Variants in ARHGAP17 observed in about 807,000 individuals in gnomAD.
The protein encoded by ARHGAP17 is rho GTPase-activating protein 17.
A neutral mutation model predicts 99.5 loss-of-function variants in ARHGAP17; 57 were observed. The observed-to-expected ratio is 0.57, with a 90% confidence interval of 0.46 to 0.71. The LOEUF is 0.71. Among genes scored for constraint, ARHGAP17 ranks in the 30% least tolerant of loss-of-function variants. The pLI is 0.00. For missense variants in ARHGAP17, 1,000 were observed against 1,122.4 expected (o/e 0.89, Z 1.56); for synonymous variants, 417 against 429.6 (o/e 0.97, Z 0.36).
At chr16:24,927,475 T>C (rs1346143058) in intron 19 of ARHGAP17, among the ~76,000 whole-genome samples, 1 of 152,232 alleles carries the variant, frequency 6.6e-6, no homozygotes, top group African/African-American at 2.4e-5. Flanking sequence ...GACAGCCCTG[T>C]GACCACCTGT....
intron 10 of ARHGAP17, 42 bp downstream of exon 10, chr16:24,954,561 G>C: frequency 1.3e-6 from 2 of 1,592,940 alleles, no homozygotes; most frequent in Non-Finnish European, 8.6e-7. Context: ...TACAACAAGG[G>C]GCATGGAGAC....
intron 10 of ARHGAP17, among the ~76,000 whole-genome samples, chr16:24,953,248 C>T (rs564965307): frequency 7.4e-4 from 113 of 152,322 alleles, no homozygotes; most frequent in Non-Finnish European, 1.3e-3. Context: ...GAAAATTAAT[C>T]TGGGCAGAGT....
intron 4 of ARHGAP17, 97 bp from the exon 5 acceptor site, chr16:24,968,869 CATTAGG>C: frequency 1.9e-6 from 2 of 1,047,864 alleles, no homozygotes; most frequent in Non-Finnish European, 2.9e-6. Flanking sequence ...AACAGGAACG[CATTAGG>C]GTGCTACCTA....
chr16:24,994,065 C>T (rs1158042683), intron 1 of ARHGAP17, among the ~76,000 whole-genome samples: 7 of 152,120 alleles, frequency 4.6e-5, no homozygotes, highest in Non-Finnish European at 8.8e-5. Context: ...AATAAACACA[C>T]GTCACAGATG....
At chr16:24,980,666 A>T (rs1252872978) in intron 1 of ARHGAP17, among the ~76,000 whole-genome samples, 1 of 152,172 alleles carries the variant, frequency 6.6e-6, no homozygotes, top group Non-Finnish European at 1.5e-5. Context: ...ACTCAAAAAG[A>T]AACCTGACAG....
At chr16:25,006,725 C>T (rs1188300880) in intron 1 of ARHGAP17, among the ~76,000 whole-genome samples, 2 of 152,118 alleles carry the variant, frequency 1.3e-5, no homozygotes, top group African/African-American at 4.8e-5. Context: ...ACAAAGCAAG[C>T]GGTGGGCTGG....
chr16:24,937,313 T>A (rs1220105903), intron 17 of ARHGAP17, among the ~76,000 whole-genome samples: 1 of 151,778 alleles, frequency 6.6e-6, no homozygotes, highest in Non-Finnish European at 1.5e-5. Context: ...TCCCAGCTAC[T>A]CCGGCGGCTG....
At chr16:25,004,378 C>G (rs528859975) in intron 1 of ARHGAP17, among the ~76,000 whole-genome samples, 1 of 152,356 alleles carries the variant, frequency 6.6e-6, no homozygotes, top group South Asian at 2.1e-4. Context: ...CTCCCTCCAT[C>G]CAAGCACTCA....
intron 12 of ARHGAP17, among the ~76,000 whole-genome samples, chr16:24,950,898 C>T (rs943287070): frequency 2.7e-5 from 4 of 148,952 alleles, no homozygotes; most frequent in Admixed American, 2.0e-4. Context: ...AAGACACAAG[C>T]GATGGACTCA....
chr16:24,957,673 A>T (rs1485548390), intron 9 of ARHGAP17: 4 of 152,224 alleles, frequency 2.6e-5, no homozygotes, highest in African/African-American at 9.7e-5. Flanking sequence ...TTTTTTCCTA[A>T]ACAGCAGAGG....
intron 12 of ARHGAP17, among the ~76,000 whole-genome samples, chr16:24,950,123 T>C (rs1316457299): frequency 1.3e-5 from 2 of 152,072 alleles, no homozygotes; most frequent in African/African-American, 2.4e-5. Flanking sequence ...ACTTTGAACG[T>C]GAAATATCCT....
intron 1 of ARHGAP17, among the ~76,000 whole-genome samples, chr16:24,980,469 C>T (rs142379927): frequency 2.6e-5 from 4 of 152,280 alleles, no homozygotes; most frequent in African/African-American, 9.6e-5. Flanking sequence ...GCCAAGGCCC[C>T]AGCTTCCAGA....
intron 1 of ARHGAP17, among the ~76,000 whole-genome samples, chr16:24,998,768 G>C (rs569840557): frequency 6.6e-6 from 1 of 152,290 alleles, no homozygotes; most frequent in South Asian, 2.1e-4. Context: ...CCCAAAAAGA[G>C]GAATGAATCA....
intron 17 of ARHGAP17, among the ~76,000 whole-genome samples, chr16:24,937,007 T>C (rs1249825794): frequency 1.3e-5 from 2 of 150,170 alleles, no homozygotes; most frequent in African/African-American, 5.0e-5. Flanking sequence ...TAGTCCCAGT[T>C]GGGAGGCTGA....
At chr16:25,006,609 A>G (rs1456630007) in intron 1 of ARHGAP17, among the ~76,000 whole-genome samples, 1 of 152,206 alleles carries the variant, frequency 6.6e-6, no homozygotes, top group Non-Finnish European at 1.5e-5. Context: ...CTTCTTATGA[A>G]GTGCCAGAGG....
At chr16:24,942,527 G>C (rs2051343117) in intron 15 of ARHGAP17, among the ~76,000 whole-genome samples, 1 of 152,132 alleles carries the variant, frequency 6.6e-6, no homozygotes, top group Admixed American at 6.5e-5. Context: ...AGCACTTTGG[G>C]AGGCCAAGGC....
At chr16:25,003,293 G>A (rs1345725001) in intron 1 of ARHGAP17, among the ~76,000 whole-genome samples, 1 of 134,616 alleles carries the variant, frequency 7.4e-6, no homozygotes, top group Admixed American at 8.3e-5. Flanking sequence ...GGATTGCAGT[G>A]GCAGGATCTC....
chr16:25,004,089 C>T (rs1340874223), intron 1 of ARHGAP17, among the ~76,000 whole-genome samples: 2 of 152,138 alleles, frequency 1.3e-5, no homozygotes, highest in Non-Finnish European at 1.5e-5. Flanking sequence ...TCCCCTAGGA[C>T]TATCTCTACC....
chr16:24,982,945 A>G (rs1215618834), intron 1 of ARHGAP17, among the ~76,000 whole-genome samples: 1 of 142,606 alleles, frequency 7.0e-6, no homozygotes, highest in Non-Finnish European at 1.5e-5. Flanking sequence ...TCCAATCATA[A>G]AAAATAATAC....
Sources: gnomAD v4.1 joint callset for allele counts (sites outside exome capture counted in the v4.1 genomes callset) on GRCh38, gnomAD v4.1.1 for gene constraint, MANE v1.5 for transcripts, NCBI Gene and HGNC (gene_info 2026-07-23, HGNC 2026-07-21) for gene names.